The following IFT81 variants were observed in gnomAD, a reference collection of about 807,000 sequenced individuals.
The protein encoded by IFT81 is intraflagellar transport protein 81 homolog.
A neutral mutation model predicts 102.6 loss-of-function variants in IFT81; 72 were observed. The observed-to-expected ratio is 0.70, with a 90% CI of 0.58 to 0.85. The LOEUF is 0.85. IFT81 is among the 40% of genes least tolerant of loss of function. The pLI is 0.00. For synonymous variants in IFT81, 237 were observed against 242.7 expected, an observed-to-expected ratio of 0.98 and a Z score of 0.22; for missense variants, 723 against 787.3, an observed-to-expected ratio of 0.92 and a Z score of 0.98.
At chr12:110,171,575 A>C (rs916213177) in intron 11 of IFT81, among the ~76,000 whole-genome samples, 2 of 152,226 alleles carry the variant, frequency 1.3e-5, no homozygotes, top group African/African-American at 4.8e-5. Flanking sequence ...TTTACAGTTG[A>C]AAATGTGCCA....
rs144933299 is a variant in IFT81, at chr12:110,199,450, T to C, written c.1558-4414T>C. On this transcript the variant is annotated intron_variant, in intron 14 of 18. Coordinates refer to ENST00000242591, the MANE Select transcript of IFT81 (RefSeq NM_014055.4). The stretch of plus-strand genomic sequence containing the variant: ...TCTCAGCTTGGAAGTTCCTAGACCA[T>C]GTAGATAGGGTAAATTCAAACTCCA... Among the ~76,000 whole-genome samples, 816 of 152,230 alleles carry C rather than the reference T, an allele frequency of 5.4e-3. 7 individuals carry two copies. Among genetic ancestry groups the C allele is most frequent in the African/African-American group, 0.018 (754 of 41,544 alleles).
At chr12:110,147,383 A>G (rs988217823) in intron 10 of IFT81, among the ~76,000 whole-genome samples, 1 of 152,244 alleles carries the variant, frequency 6.6e-6, no homozygotes, top group Admixed American at 6.5e-5. Flanking sequence ...ATAATTTTTA[A>G]TGAGTTAATA....
At chr12:110,217,200 A>C (rs1870248980) in intron 18 of IFT81, among the ~76,000 whole-genome samples, 1 of 151,970 alleles carries the variant, frequency 6.6e-6, no homozygotes, top group Admixed American at 6.6e-5. Context: ...ACACGCCACC[A>C]TGCCCTGCTA....
chr12:110,205,701 A>T, intron 17 of IFT81, 21 bp downstream of exon 17: 1 of 1,418,648 alleles, frequency 7.0e-7, no homozygotes, highest in Admixed American at 2.1e-5. Flanking sequence ...TTGTTGTTTT[A>T]TATTGAGATA....
At chr12:110,146,882 CAGACGTCACTTAG>C in intron 9 of IFT81, 58 bp from the exon 10 acceptor site, 1 of 1,440,876 alleles carries the variant, frequency 6.9e-7, no homozygotes, top group Middle Eastern at 2.5e-4. Flanking sequence ...CTGGTTTGGC[CAGACGTCACTTAG>C]TTTGTGTACT....
At chr12:110,179,812 T>C (rs1299854715) in intron 11 of IFT81, among the ~76,000 whole-genome samples, 1 of 118,856 alleles carries the variant, frequency 8.4e-6, no homozygotes, top group Non-Finnish European at 1.8e-5. Context: ...ACACATTTTA[T>C]ATGTATACAT....
chr12:110,145,141 T>C (rs1895145231), intron 9 of IFT81, among the ~76,000 whole-genome samples: 1 of 146,966 alleles, frequency 6.8e-6, no homozygotes, highest in South Asian at 2.2e-4. Context: ...CAAGTGATCC[T>C]CCACCTGAGC....
chr12:110,181,821 T>G (rs1339602423), intron 12 of IFT81, among the ~76,000 whole-genome samples: 1 of 152,140 alleles, frequency 6.6e-6, no homozygotes, highest in Non-Finnish European at 1.5e-5. Context: ...AGAAGGGAAT[T>G]CTTTGTGCTA....
intron 3 of IFT81, 81 bp from the exon 4 acceptor site, chr12:110,128,869 C>A: frequency 2.8e-5 from 25 of 890,924 alleles, no homozygotes; most frequent in East Asian, 1.2e-4. Flanking sequence ...CATTGTAAAT[C>A]AGATTTTGAG....
intron 12 of IFT81, among the ~76,000 whole-genome samples, chr12:110,183,698 A>G (rs947338491): frequency 6.6e-6 from 1 of 152,316 alleles, no homozygotes; most frequent in Non-Finnish European, 1.5e-5. Context: ...GTTCAAACAC[A>G]TGCCTCTTTC....
intron 14 of IFT81, among the ~76,000 whole-genome samples, chr12:110,198,466 G>A (rs1388933889): frequency 1.3e-5 from 2 of 151,844 alleles, no homozygotes; most frequent in Admixed American, 6.6e-5. Flanking sequence ...TGTATATTTA[G>A]TTTTATTTAC....
At chr12:110,174,651 A>G (rs991561535) in intron 11 of IFT81, among the ~76,000 whole-genome samples, 3 of 152,318 alleles carry the variant, frequency 2.0e-5, no homozygotes, top group Admixed American at 6.5e-5. Flanking sequence ...CTGGAATCCA[A>G]TAATTCTTTT....
At chr12:110,195,378 T>C (rs1351321083) in intron 14 of IFT81, among the ~76,000 whole-genome samples, 1 of 152,142 alleles carries the variant, frequency 6.6e-6, no homozygotes, top group African/African-American at 2.4e-5. Context: ...CCCTCTCCTC[T>C]AGCACCTGAT....
At chr12:110,205,194 A>T in intron 15 of IFT81, 2 of 269,946 alleles carry the variant, frequency 7.4e-6, no homozygotes, top group Non-Finnish European at 1.4e-5. Flanking sequence ...AGACTGCACC[A>T]CTGCACTCCA....
intron 8 of IFT81, among the ~76,000 whole-genome samples, chr12:110,139,966 T>A (rs1463780937): frequency 6.6e-6 from 1 of 151,622 alleles, no homozygotes; most frequent in Non-Finnish European, 1.5e-5. Flanking sequence ...TCCAGGAGCC[T>A]GAGGCAGGAA....
intron 18 of IFT81, among the ~76,000 whole-genome samples, chr12:110,212,126 A>G (rs1437388657): frequency 1.3e-5 from 2 of 152,050 alleles, no homozygotes; most frequent in Admixed American, 1.3e-4. Context: ...GTGTCTATCT[A>G]TGCTTGTACT....
At chr12:110,173,640 G>A (rs904209422) in intron 11 of IFT81, among the ~76,000 whole-genome samples, 8 of 152,204 alleles carry the variant, frequency 5.3e-5, no homozygotes, top group Non-Finnish European at 1.2e-4. Context: ...TCTGCCTTGG[G>A]ATCCTGTTGA....
intron 4 of IFT81, 152 bp downstream of exon 4, chr12:110,129,282 C>A: frequency 5.4e-6 from 3 of 554,824 alleles, no homozygotes; most frequent in Non-Finnish European, 6.0e-6. Flanking sequence ...ACTATGGCCA[C>A]ATCTCAAGAT....
rs1222136752 is a variant in IFT81, at chr12:110,139,866, T to TATAAAATAAAATAAAATAAA, written c.781+3028_781+3047dup. Reference sequence around the variant, plus strand: ...ATAAAATAAATAAAATAAAATAAAATATAAAATAAAATAAAATAAAATAAA... The same window carrying TATAAAATAAAATAAAATAAA: ...ATAAAATAAATAAAATAAAATAAAATATAAAATAAAATAAAATAAAATAAAATAAAATAAAATAAAATAAA... On this transcript the variant is annotated intron_variant, in intron 8 of 18. Transcript: ENST00000242591. 1.1e-3 allele frequency among the ~76,000 whole-genome samples: 145 copies of TATAAAATAAAATAAAATAAA among 130,060 alleles called. 1 individual carries two copies. Among genetic ancestry groups the TATAAAATAAAATAAAATAAA allele is most frequent in the African/African-American group, 3.5e-3 (114 of 32,400 alleles). 85.3% of individuals were successfully genotyped at this position (130,060 alleles called of 152,430 possible). A position where few individuals can be genotyped will look rare whatever the true frequency, so the allele number is the denominator to read the frequency against.
Sources: allele counts gnomAD v4.1 joint callset (sites outside exome capture counted in the v4.1 genomes callset), GRCh38; gene constraint gnomAD v4.1.1; transcripts MANE v1.5; gene names NCBI Gene and HGNC (gene_info 2026-07-23, HGNC 2026-07-21).